U2AF2: variants seen among roughly 807,000 people sequenced by gnomAD.
U2AF2 encodes U2 small nuclear RNA auxiliary factor 2, also known as splicing factor U2AF 65 kDa subunit.
A neutral mutation model predicts 52.6 loss-of-function variants in U2AF2; 6 were observed. The observed-to-expected ratio is 0.11, with a 90% CI of 0.06 to 0.23. The LOEUF (loss-of-function observed/expected upper bound fraction) is 0.23, where lower values mean the gene tolerates loss of function less well. Ranked by LOEUF, U2AF2 falls within the 10% of genes least tolerant of loss-of-function variation. The probability of loss-of-function intolerance (pLI) is 1.00; values close to 1 mark genes in which losing one functional copy is unlikely to be tolerated. For synonymous variants in U2AF2, 284 were observed against 258.2 expected (o/e 1.10, Z -0.96); for missense variants, 222 against 677.1 (o/e 0.33, Z 7.46).
intron 1 of U2AF2, among the ~76,000 whole-genome samples, chr19:55,656,949 A>C (rs1983833318): frequency 6.6e-6 from 1 of 152,250 alleles, no homozygotes; most frequent in African/African-American, 2.4e-5. Context: ...GCCACACAAC[A>C]CCTGGATGGA....
In U2AF2 at chr19:55,674,494, T is replaced by G. The variant is rs1228372767; in HGVS notation, c.*426T>G. ...TATTTTGAATTTTGTTGTCCGGCCC[T>G]CAGTGCCCTGCCCTCTCCCTTACCA... On this transcript the variant is annotated 3_prime_UTR_variant, in exon 12 of 12. Transcript: ENST00000308924. The G allele has an allele frequency of 1.2e-5, 2 of 166,152 alleles. No homozygotes were observed. Among genetic ancestry groups the G allele is most frequent in the Non-Finnish European group, 2.7e-5 (2 of 74,982 alleles). 10.3% of individuals were successfully genotyped at this position (166,152 alleles called of 1,614,324 possible).
intron 11 of U2AF2, 36 bp downstream of exon 11, chr19:55,669,728 C>A (rs760287343): frequency 1.9e-5 from 30 of 1,555,922 alleles, no homozygotes; most frequent in Admixed American, 5.5e-5. Context: ...CTCTCACCCT[C>A]TGCCCCTCCT....
Position 55,668,502 on chromosome 19 carries a change from C to G in U2AF2, c.743-5C>G. On this transcript the variant is annotated splice_region_variant and splice_polypyrimidine_tract_variant and intron_variant, in intron 7 of 11. Transcript: ENST00000308924. This position sits in a 1 kb window ranked among gnomAD's most constrained non-coding sequence, Gnocchi z 5.5. ...AATTGAAGTCCTCCTCTTCTCTACC[C>G]ATAGGGGTTGTGTCCACTGTGGTCC... 1 of 1,591,086 alleles carries G rather than the reference C, an allele frequency of 6.3e-7. No individual in the cohort carries two copies. Among genetic ancestry groups the G allele is most frequent in the Non-Finnish European group, 8.6e-7 (1 of 1,166,902 alleles).
At chr19:55,658,851 T>C (rs1453380568) in intron 1 of U2AF2, 1 of 212,568 alleles carries the variant, frequency 4.7e-6, no homozygotes, top group Non-Finnish European at 9.2e-6. Context: ...TTGGGTCTCT[T>C]GATTCCCCAG....
At chr19:55,660,248 C>T (rs1984087440) in intron 3 of U2AF2, 27 bp downstream of exon 3, 1 of 1,609,294 alleles carries the variant, frequency 6.2e-7, no homozygotes, top group Non-Finnish European at 8.5e-7. Flanking sequence ...GCCCCTTCCT[C>T]CCTGATGTCC....
chr19:55,669,843 A>T, intron 11 of U2AF2, 151 bp downstream of exon 11: 1 of 1,269,006 alleles, frequency 7.9e-7, no homozygotes, highest in Non-Finnish European at 1.1e-6. Context: ...GCGCGTGCGT[A>T]TAGGTGTATG....
At position 55,669,356 on chromosome 19, in the gene U2AF2, T is replaced by TG. The variant is rs529807811; in HGVS notation, c.1045-81dup. 3.2e-3 allele frequency: 4,937 copies of TG among 1,543,258 alleles called. 15 individuals are homozygous for TG. The highest frequency in any genetic ancestry group is 3.7e-3 in the Non-Finnish European group (4,269 of 1,144,330). On this transcript the variant is annotated intron_variant, in intron 10 of 11. Coordinates refer to ENST00000308924, the MANE Select transcript of U2AF2 (RefSeq NM_007279.3). Reference sequence around the variant, plus strand: ...GGAAGTGGAGAGATGGCCTTTCCCCTGGGGGGGCATGTGAGGGGCCTAGGC... The same window carrying TG: ...GGAAGTGGAGAGATGGCCTTTCCCCTGGGGGGGGCATGTGAGGGGCCTAGGC...
chr19:55,660,919 C>T (rs1984145756), intron 4 of U2AF2, 119 bp from the exon 5 acceptor site: 3 of 1,464,658 alleles, frequency 2.0e-6, no homozygotes, highest in South Asian at 2.9e-5. Context: ...CTGGAAGGTG[C>T]TAAGACCGAG....
At position 55,659,343 on chromosome 19, in the gene U2AF2, C is replaced by G; in HGVS notation, c.183C>G (p.Arg61=). Residue 61 remains arginine, a splice_region_variant and synonymous_variant, in exon 2 of 12, where the codon CGC becomes CGG. Transcript: ENST00000308924. The stretch of plus-strand genomic sequence containing the variant: ...GCGCCTCCCGGGACAGGCGACGACG[C>G]AGGTACTAGGGCTCAGGGATCCCCT... ...QRSASRDRRR[R]SKPLTRGAKE... is the part of the protein sequence containing the mutation. 1 of 1,526,692 alleles carries G rather than the reference C, an allele frequency of 6.6e-7. No homozygotes were observed. Among genetic ancestry groups the G allele is most frequent in the Non-Finnish European group, 8.8e-7 (1 of 1,131,944 alleles). The allele number at this position is 1,526,692 out of a possible 1,614,324, so 94.6% of individuals were successfully genotyped here.
At position 55,674,411 on chromosome 19, in the gene U2AF2, C is replaced by T. The variant is rs1014196569; in HGVS notation, c.*343C>T. On this transcript the variant is annotated 3_prime_UTR_variant, in exon 12 of 12. Transcript: ENST00000308924. Reference sequence around the variant, plus strand: ...CAGCCTCTCCTTCTCCCATAGACCCCTTTCTTCTCCCCTTCCCCACGGTAG... The same window carrying T: ...CAGCCTCTCCTTCTCCCATAGACCCTTTTCTTCTCCCCTTCCCCACGGTAG... The T allele has an allele frequency of 1.7e-5, 4 of 228,976 alleles. No homozygotes were observed. Among genetic ancestry groups the T allele is most frequent in the Admixed American group, 1.1e-4 (2 of 18,922 alleles). The allele number at this position is 228,976 out of a possible 1,614,324, so 14.2% of individuals were successfully genotyped here.
At chr19:55,661,767 A>G (rs1984223114) in intron 5 of U2AF2, 1 of 147,792 alleles carries the variant, frequency 6.8e-6, no homozygotes, top group Admixed American at 7.0e-5. Flanking sequence ...ATTTCTCTTT[A>G]AAGTGAAATA....
At chr19:55,672,209 A>G (rs999687889) in intron 11 of U2AF2, 3 of 152,062 alleles carry the variant, frequency 2.0e-5, no homozygotes, top group Non-Finnish European at 4.4e-5. Context: ...ATATACTTAA[A>G]AGTAGGGACT....
intron 2 of U2AF2, 59 bp downstream of exon 2, chr19:55,659,404 G>T: frequency 7.0e-7 from 1 of 1,425,950 alleles, no homozygotes; most frequent in Non-Finnish European, 9.2e-7. Context: ...GGTGTTGGCC[G>T]GCCTGTGGGT....
chr19:55,657,496 G>A (rs1001938233), intron 1 of U2AF2, among the ~76,000 whole-genome samples: 1 of 152,156 alleles, frequency 6.6e-6, no homozygotes, highest in Non-Finnish European at 1.5e-5. Context: ...CTTTCTCTGC[G>A]TGGGTTCCTG....
chr19:55,668,642 A>G lies in U2AF2; in HGVS notation c.823-28A>G. On this transcript the variant is annotated intron_variant, in intron 8 of 11. Coordinates refer to ENST00000308924, the MANE Select transcript of U2AF2 (RefSeq NM_007279.3). The surrounding 1 kb of genome is among the most constrained non-coding windows in gnomAD (Gnocchi z 5.5). ...CCCCCACCCCGCCCCACCTCATCCC[A>G]GCCCTGATGGACTCTCGGCTACTGC... 3.1e-6 allele frequency: 4 copies of G among 1,274,520 alleles called. No homozygotes were observed. The highest frequency in any genetic ancestry group is 4.2e-6 in the Non-Finnish European group (4 of 950,794). The allele number at this position is 1,274,520 out of a possible 1,614,324, so 79.0% of individuals were successfully genotyped here.
At chr19:55,658,262 T>A (rs1165062157) in intron 1 of U2AF2, among the ~76,000 whole-genome samples, 1 of 152,144 alleles carries the variant, frequency 6.6e-6, no homozygotes, top group Non-Finnish European at 1.5e-5. Flanking sequence ...TGTCTTTGAA[T>A]TAAGGAAATG....
rs146189486 is a variant in U2AF2, at chr19:55,661,111, G to A, written c.408G>A (p.Pro136=). ...ACGGTCTGGCTGTGACCCCAACGCC[G>A]GTGCCCGTGGTCGGGAGCCAGATGA... ...TPDGLAVTPT[P]VPVVGSQMTR... The change falls in exon 5 of 12, where the codon CCG becomes CCA. Residue 136 remains proline, a synonymous_variant. Coordinates refer to ENST00000308924, the MANE Select transcript of U2AF2 (RefSeq NM_007279.3). 6.8e-6 allele frequency: 11 copies of A among 1,612,408 alleles called. No individual in the cohort carries two copies. The highest frequency in any genetic ancestry group is 4.0e-5 in the African/African-American group (3 of 74,904).
Position 55,668,856 on chromosome 19 carries a change from C to T in U2AF2, c.945+64C>T, listed in dbSNP as rs1469873573. On this transcript the variant is annotated intron_variant, in intron 9 of 11. Coordinates refer to ENST00000308924, the MANE Select transcript of U2AF2 (RefSeq NM_007279.3). The surrounding 1 kb of genome is among the most constrained non-coding windows in gnomAD (Gnocchi z 5.5). ...TCCCTGCCCTGCGCTGTTGCCAAGCCATGGTCTCCCCTCCTCAGGGGACGG... is the reference window on the plus strand; with the variant it reads ...TCCCTGCCCTGCGCTGTTGCCAAGCTATGGTCTCCCCTCCTCAGGGGACGG... 1 of 1,569,582 alleles carries T rather than the reference C, an allele frequency of 6.4e-7. No homozygotes were observed. Among genetic ancestry groups the T allele is most frequent in the Non-Finnish European group, 8.7e-7 (1 of 1,154,112 alleles).
chr19:55,663,783 G>A (rs310444), intron 7 of U2AF2, 39 bp downstream of exon 7: 1,563,354 of 1,612,288 alleles, frequency 0.97, 758,537 homozygotes, highest in East Asian at 1. Flanking sequence ...TTCTCCCCCA[G>A]TCCTGTTCCC....
Sources: allele counts gnomAD v4.1 joint callset (sites outside exome capture counted in the v4.1 genomes callset), GRCh38; gene constraint gnomAD v4.1.1; non-coding constraint Gnocchi (gnomAD v3.1); transcripts MANE v1.5; gene names NCBI Gene and HGNC (gene_info 2026-07-23, HGNC 2026-07-21).